The following ICE2 variants were observed in gnomAD, a reference collection of about 807,000 sequenced individuals.
ICE2 encodes little elongation complex subunit 2.
ICE2 carries 87 observed loss-of-function variants against 105.4 expected under a neutral mutation model. The observed-to-expected ratio is 0.83, with a 90% CI of 0.69 to 0.99. The LOEUF (loss-of-function observed/expected upper bound fraction) is 0.99, where lower values mean the gene tolerates loss of function less well. Ranked by LOEUF, ICE2 falls within the 50% of genes least tolerant of loss-of-function variation. The probability of loss-of-function intolerance (pLI) is 0.00; values close to 1 mark genes in which losing one functional copy is unlikely to be tolerated. For missense variants in ICE2, 1,323 were observed against 1,146.7 expected (o/e 1.15, Z -2.22); for synonymous variants, 399 against 392.0 (o/e 1.02, Z -0.21).
chr15:60,464,774 C>T (rs764130820), intron 5 of ICE2, among the ~76,000 whole-genome samples: 2 of 152,118 alleles, frequency 1.3e-5, no homozygotes, highest in Admixed American at 6.5e-5. Context: ...TCCCAGCACT[C>T]TGAGAGGCTG....
chr15:60,434,272 A>C (rs2063528776), intron 13 of ICE2, among the ~76,000 whole-genome samples: 1 of 152,196 alleles, frequency 6.6e-6, no homozygotes. Context: ...CACGTGTATA[A>C]TGATGCTTGG....
At chr15:60,460,304 C>T (rs2064239019) in intron 5 of ICE2, among the ~76,000 whole-genome samples, 1 of 152,198 alleles carries the variant, frequency 6.6e-6, no homozygotes, top group Admixed American at 6.5e-5. Flanking sequence ...CGAGGCCAGC[C>T]TGGCCAACAT....
At chr15:60,442,297 A>G in intron 12 of ICE2, 119 bp downstream of exon 12, 1 of 918,772 alleles carries the variant, frequency 1.1e-6, no homozygotes, top group Non-Finnish European at 1.6e-6. Context: ...TAAAACTAAT[A>G]AATACATAAA....
intron 13 of ICE2, among the ~76,000 whole-genome samples, chr15:60,434,532 CA>C (rs2063538634): frequency 2.6e-5 from 1 of 37,982 alleles, no homozygotes; most frequent in Admixed American, 3.9e-4. Flanking sequence ...CACACACACA[CA>C]CACACACACA....
At chr15:60,458,195 C>CA (rs5813028) in intron 5 of ICE2, among the ~76,000 whole-genome samples, 24 of 151,832 alleles carry the variant, frequency 1.6e-4, no homozygotes, top group African/African-American at 5.3e-4. Flanking sequence ...GCTTATGTAG[C>CA]AAAAAAATGT....
At chr15:60,444,113 G>A (rs1041122002) in intron 11 of ICE2, among the ~76,000 whole-genome samples, 1 of 152,024 alleles carries the variant, frequency 6.6e-6, no homozygotes, top group African/African-American at 2.4e-5. Flanking sequence ...TTTAAAAAAA[G>A]AATGAATGAA....
intron 5 of ICE2, among the ~76,000 whole-genome samples, chr15:60,465,135 A>G (rs1057476962): frequency 1.3e-5 from 2 of 152,226 alleles, no homozygotes; most frequent in Non-Finnish European, 2.9e-5. Flanking sequence ...TCGTTTATTT[A>G]GAAGAACCAT....
At position 60,420,043 on chromosome 15, in the gene ICE2, G is replaced by C. The variant is rs1253585841; in HGVS notation, c.*3591C>G. On this transcript the variant is annotated 3_prime_UTR_variant, in exon 16 of 16. Transcript: ENST00000261520. ...GACTTTTGACTTACAGAAACTGTGA[G>C]ATAATGTTTGTTGTTTTAAGTAGCT... 6.6e-6 allele frequency: 1 copy of C among 152,030 alleles called. No individual in the cohort carries two copies. 9.4% of individuals were successfully genotyped at this position (152,030 alleles called of 1,614,324 possible).
At chr15:60,423,803 A>G (rs771682602) in intron 15 of ICE2, 41 bp from the exon 16 acceptor site, 13 of 1,514,996 alleles carry the variant, frequency 8.6e-6, no homozygotes, top group Non-Finnish European at 1.1e-5. Context: ...TAATGTATCT[A>G]CAACATACCT....
In ICE2 at chr15:60,423,493, T is replaced by C. The variant is rs986048765; in HGVS notation, c.*141A>G. Reference sequence around the variant, plus strand: ...ATTTTAGTTGAAATATTCCTTCACATAGCCAACACATTTTTTCAAGGCACT... The same window carrying C: ...ATTTTAGTTGAAATATTCCTTCACACAGCCAACACATTTTTTCAAGGCACT... On this transcript the variant is annotated 3_prime_UTR_variant, in exon 16 of 16. Coordinates refer to ENST00000261520, the MANE Select transcript of ICE2 (RefSeq NM_024611.6). The C allele has an allele frequency of 4.6e-6, 3 of 649,664 alleles. No homozygotes were observed. Among genetic ancestry groups the C allele is most frequent in the South Asian group, 2.5e-5 (1 of 39,672 alleles). 40.2% of individuals were successfully genotyped at this position (649,664 alleles called of 1,614,324 possible).
chr15:60,479,062 C>A lies in ICE2; in HGVS notation c.-152G>T, dbSNP rs577792581. ...GCCACACACCACACACGCTCCACCCCACTCCTCACATTGTCGCGCGCGCCC... is the reference window on the plus strand; with the variant it reads ...GCCACACACCACACACGCTCCACCCAACTCCTCACATTGTCGCGCGCGCCC... On this transcript the variant is annotated 5_prime_UTR_variant, in exon 1 of 16. Coordinates refer to ENST00000261520, the MANE Select transcript of ICE2 (RefSeq NM_024611.6). 1 of 453,960 alleles carries A rather than the reference C, an allele frequency of 2.2e-6. No homozygotes were observed. The highest frequency in any genetic ancestry group is 4.4e-6 in the Non-Finnish European group (1 of 225,302). The allele number at this position is 453,960 out of a possible 1,614,324, so 28.1% of individuals were successfully genotyped here. A position where few individuals can be genotyped will look rare whatever the true frequency, so the allele number is the denominator to read the frequency against.
At chr15:60,427,039 A>G (rs1269782059) in intron 15 of ICE2, among the ~76,000 whole-genome samples, 2 of 152,342 alleles carry the variant, frequency 1.3e-5, no homozygotes, top group South Asian at 2.1e-4. Context: ...CTTAACATTT[A>G]TATTTTCTTG....
intron 5 of ICE2, among the ~76,000 whole-genome samples, chr15:60,463,405 C>T (rs373341264): frequency 6.6e-6 from 1 of 152,032 alleles, no homozygotes; most frequent in Non-Finnish European, 1.5e-5. Context: ...ACTCATACAA[C>T]CTAAGAATCA....
At chr15:60,463,751 C>T (rs2064344509) in intron 5 of ICE2, among the ~76,000 whole-genome samples, 1 of 152,108 alleles carries the variant, frequency 6.6e-6, no homozygotes, top group Non-Finnish European at 1.5e-5. Flanking sequence ...GCCTGGGCGA[C>T]AAGAGCGAAG....
rs570932784 is a variant in ICE2 at position 60,456,517 on chromosome 15, C to T, written c.666+140G>A. On this transcript the variant is annotated intron_variant, in intron 6 of 15. Coordinates refer to ENST00000261520, the MANE Select transcript of ICE2 (RefSeq NM_024611.6). ...CGAGATCATGCCATTACACGCCAGG[C>T]GACGAGAGAGAGACTCTGTCTCCAA... The T allele has an allele frequency of 2.8e-3, 419 of 147,096 alleles. 3 individuals carry two copies. Among genetic ancestry groups the T allele is most frequent in the African/African-American group, 0.011 (396 of 35,524 alleles). 9.1% of individuals were successfully genotyped at this position (147,096 alleles called of 1,614,324 possible). A position where few individuals can be genotyped will look rare whatever the true frequency, so the allele number is the denominator to read the frequency against.
chr15:60,476,497 G>C (rs1447731991), intron 2 of ICE2, among the ~76,000 whole-genome samples: 1 of 152,192 alleles, frequency 6.6e-6, no homozygotes, highest in East Asian at 1.9e-4. Flanking sequence ...GTCTGTCAAA[G>C]GCTGGCCTCA....
At chr15:60,447,907 G>T in intron 11 of ICE2, 63 bp downstream of exon 11, 2 of 1,278,264 alleles carry the variant, frequency 1.6e-6, no homozygotes, top group Non-Finnish European at 2.2e-6. Context: ...CACAGTAATG[G>T]CATGTTAAGT....
At chr15:60,467,101 A>G (rs2064452513) in intron 4 of ICE2, among the ~76,000 whole-genome samples, 1 of 152,074 alleles carries the variant, frequency 6.6e-6, no homozygotes, top group African/African-American at 2.4e-5. Flanking sequence ...GGCTGGCTAT[A>G]TAGGTGCCTG....
At chr15:60,464,388 G>A (rs539692485) in intron 5 of ICE2, among the ~76,000 whole-genome samples, 3 of 152,052 alleles carry the variant, frequency 2.0e-5, no homozygotes, top group South Asian at 2.1e-4. Context: ...AAACAGTGAG[G>A]GGAAGGACAA....
Sources: allele counts gnomAD v4.1 joint callset (sites outside exome capture counted in the v4.1 genomes callset), GRCh38; gene constraint gnomAD v4.1.1; transcripts MANE v1.5; gene names NCBI Gene and HGNC (gene_info 2026-07-23, HGNC 2026-07-21).